The following JPH2 variants were observed in gnomAD, a reference collection of about 807,000 sequenced individuals.
JPH2 encodes the protein junctophilin 2, also known as junctophilin-2.
A neutral mutation model predicts 55.9 loss-of-function variants in JPH2; 38 were observed. The ratio of observed to expected loss-of-function variants is 0.68; its 90% CI spans 0.52 to 0.89. The LOEUF (loss-of-function observed/expected upper bound fraction) is 0.89, where lower values mean the gene tolerates loss of function less well. Ranked by LOEUF, JPH2 falls within the 40% of genes least tolerant of loss-of-function variation. JPH2 has a pLI of 0.00. For missense variants in JPH2, 964 were observed against 1,037.6 expected (o/e 0.93, Z 0.97); for synonymous variants, 480 against 472.4 (o/e 1.02, Z -0.21).
chr20:44,127,086 G>A (rs1181742639), intron 2 of JPH2, among the ~76,000 whole-genome samples: 8 of 152,234 alleles, frequency 5.3e-5, no homozygotes. Flanking sequence ...ATATGGATGT[G>A]TCATCTAAAC....
At chr20:44,114,609 T>TGTGTGTGC (rs1491581575) in intron 5 of JPH2, among the ~76,000 whole-genome samples, 173 bp downstream of exon 5, 4 of 144,072 alleles carry the variant, frequency 2.8e-5, no homozygotes, top group Non-Finnish European at 4.6e-5. Context: ...TGTGTGTGTG[T>TGTGTGTGC]GCGCTGGTAT....
chr20:44,156,047 A>C (rs1430844915), intron 2 of JPH2, among the ~76,000 whole-genome samples: 1 of 152,000 alleles, frequency 6.6e-6, no homozygotes, highest in Non-Finnish European at 1.5e-5. Flanking sequence ...AAAAAAAAAA[A>C]AACTGTCAAG....
chr20:44,143,346 C>T (rs568165790), intron 2 of JPH2, among the ~76,000 whole-genome samples: 2 of 152,268 alleles, frequency 1.3e-5, no homozygotes, highest in South Asian at 4.1e-4. Flanking sequence ...GCTGTGGAGG[C>T]AAGCTCCATG....
intron 2 of JPH2, 72 bp from the exon 3 acceptor site, chr20:44,118,695 C>T (rs1416188721): frequency 8.6e-7 from 1 of 1,157,322 alleles, no homozygotes; most frequent in Non-Finnish European, 1.3e-6. Flanking sequence ...CTCCCCAACC[C>T]ACAAAGAGAC....
intron 2 of JPH2, among the ~76,000 whole-genome samples, chr20:44,138,535 C>T (rs1323924044): frequency 6.6e-6 from 1 of 151,900 alleles, no homozygotes; most frequent in Non-Finnish European, 1.5e-5. Flanking sequence ...GTGAGCACTG[C>T]CACACCCAGC....
At chr20:44,176,726 C>T (rs901768850) in intron 1 of JPH2, 5 of 313,756 alleles carry the variant, frequency 1.6e-5, no homozygotes, top group Admixed American at 1.3e-4. Flanking sequence ...CCCAGGAGGT[C>T]GAGGCTGCAG....
At position 44,108,189 on chromosome 20, in the gene JPH2, T is replaced by A. The variant is rs1398740307; in HGVS notation, c.*5329A>T. ...CCTGGTTGGCCATACTTTGTCATAC[T>A]GTTACTTATCAATGCTGGCAAGGTA... On this transcript the variant is annotated 3_prime_UTR_variant, in exon 6 of 6. Coordinates refer to ENST00000372980, the MANE Select transcript of JPH2 (RefSeq NM_020433.5). 6.6e-6 allele frequency among the ~76,000 whole-genome samples: 1 copy of A among 152,238 alleles called. No homozygotes were observed. Among genetic ancestry groups the A allele is most frequent in the Non-Finnish European group, 1.5e-5 (1 of 68,038 alleles).
At chr20:44,177,636 A>G (rs2072745668) in intron 1 of JPH2, 1 of 1,192,670 alleles carries the variant, frequency 8.4e-7, no homozygotes, top group Non-Finnish European at 1.1e-6. Flanking sequence ...GAGATTTCCA[A>G]GATGAGGTTA....
At chr20:44,181,950 G>C (rs976995370) in intron 1 of JPH2, among the ~76,000 whole-genome samples, 2 of 152,098 alleles carry the variant, frequency 1.3e-5, no homozygotes, top group Non-Finnish European at 2.9e-5. Context: ...TGTAGCGCGG[G>C]GCTAGCTGCA....
chr20:44,164,897 T>C (rs1001903860), intron 1 of JPH2, among the ~76,000 whole-genome samples: 3 of 151,238 alleles, frequency 2.0e-5, no homozygotes, highest in African/African-American at 7.3e-5. Context: ...GAGTGCAATG[T>C]TGCAATCTTG....
rs773147303 is a variant in JPH2 at position 44,115,748 on chromosome 20, G to A, written c.1927C>T (p.Arg643Ter). ...TTGGCCCCCGCCTTGGTCAGCCCTC[G>A]AGCCTCAGTCTTGCGGGCCTTGGCC... ...PRAKARKTEA[R>*]GLTKAGAKKK... The change falls in exon 4 of 6, where the codon CGA becomes TGA. Residue 643 changes from arginine (R) to a stop codon, truncating the protein, a stop_gained. Transcript: ENST00000372980. LOFTEE classifies it high-confidence loss of function. 7.4e-6 allele frequency: 12 copies of A among 1,613,064 alleles called. No homozygotes were observed. The highest frequency in any genetic ancestry group is 8.5e-7 in the Non-Finnish European group (1 of 1,179,978).
At chr20:44,137,825 T>G (rs6031413) in intron 2 of JPH2, among the ~76,000 whole-genome samples, 118,042 of 151,906 alleles carry the variant, frequency 0.78, 46,068 homozygotes, top group African/African-American at 0.83. Context: ...TCCTTCTAAA[T>G]ACTGGCTTTC....
intron 1 of JPH2, among the ~76,000 whole-genome samples, chr20:44,171,134 T>C (rs1488992259): frequency 6.6e-6 from 1 of 152,158 alleles, no homozygotes; most frequent in Non-Finnish European, 1.5e-5. Context: ...TCAGGATCCC[T>C]AGGGAAAAGA....
In JPH2 at chr20:44,160,380, C is replaced by A; in HGVS notation, c.407G>T (p.Gly136Val). 6.2e-7 allele frequency: 1 copy of A among 1,608,122 alleles called. No individual in the cohort carries two copies. The highest frequency in any genetic ancestry group is 1.1e-5 in the South Asian group (1 of 89,952). ...GGTYQGQFTNGMRHGYGVRQS... is the reference protein window; with the variant it reads ...GGTYQGQFTNVMRHGYGVRQS... ...GCGTACTCCGTAGCCATGGCGCATG[C>A]CGTTGGTGAACTGGCCTTGGTACGT... is the stretch of plus-strand genomic sequence containing the variant. The change falls in exon 2 of 6, where the codon GGC becomes GTC. Residue 136 changes from glycine to valine, a missense_variant. Coordinates refer to ENST00000372980, the MANE Select transcript of JPH2 (RefSeq NM_020433.5). This position sits in a 1 kb window ranked among gnomAD's most constrained non-coding sequence, Gnocchi z 4.9.
intron 1 of JPH2, among the ~76,000 whole-genome samples, chr20:44,170,420 G>C (rs2072688707): frequency 6.6e-6 from 1 of 152,190 alleles, no homozygotes; most frequent in Non-Finnish European, 1.5e-5. Flanking sequence ...TAAGATCTTT[G>C]GGTGGCCCAT....
chr20:44,186,245 C>G lies in JPH2; in HGVS notation c.379+82G>C, dbSNP rs530021098. 4.2e-4 allele frequency: 622 copies of G among 1,498,678 alleles called. 1 individual carries two copies. The highest frequency in any genetic ancestry group is 3.9e-4 in the Non-Finnish European group (423 of 1,097,704). 92.8% of individuals were successfully genotyped at this position (1,498,678 alleles called of 1,614,324 possible). A position where few individuals can be genotyped will look rare whatever the true frequency, so the allele number is the denominator to read the frequency against. On this transcript the variant is annotated intron_variant, in intron 1 of 5. Coordinates refer to ENST00000372980, the MANE Select transcript of JPH2 (RefSeq NM_020433.5). ...GCCCATCTGATTCTGTGCCAATTGC[C>G]GGTCGCCTTTCCCACCCTCCACCAG...
rs999406472 is a variant in JPH2 at position 44,108,687 on chromosome 20, G to A, written c.*4831C>T. On this transcript the variant is annotated 3_prime_UTR_variant, in exon 6 of 6. Coordinates refer to ENST00000372980, the MANE Select transcript of JPH2 (RefSeq NM_020433.5). ...GAAGTGACTGTAATGTAGGCACCTG[G>A]TCAAGACAGCCTGGAGTGAATGGTG... Among the ~76,000 whole-genome samples the A allele has an allele frequency of 2.0e-5, 3 of 151,772 alleles. No homozygotes were observed. Among genetic ancestry groups the A allele is most frequent in the Non-Finnish European group, 4.4e-5 (3 of 67,978 alleles).
chr20:44,171,462 A>C (rs2072697538), intron 1 of JPH2, among the ~76,000 whole-genome samples: 1 of 152,104 alleles, frequency 6.6e-6, no homozygotes, highest in South Asian at 2.1e-4. Flanking sequence ...GGAGTGTCTG[A>C]AGGGGTAGCC....
chr20:44,163,566 A>G (rs2072631349), intron 1 of JPH2, among the ~76,000 whole-genome samples: 1 of 152,286 alleles, frequency 6.6e-6, no homozygotes, highest in Admixed American at 6.5e-5. Flanking sequence ...GGGGCTCACT[A>G]AACCTCTCAA....
Sources: allele counts gnomAD v4.1 joint callset (sites outside exome capture counted in the v4.1 genomes callset), GRCh38; gene constraint gnomAD v4.1.1; non-coding constraint Gnocchi (gnomAD v3.1); transcripts MANE v1.5; gene names NCBI Gene and HGNC (gene_info 2026-07-23, HGNC 2026-07-21).